ATP8B1: variants seen among roughly 807,000 people sequenced by gnomAD.
The protein encoded by ATP8B1 is ATPase phospholipid transporting 8B1.
ATP8B1 carries 80 observed loss-of-function variants against 149.9 expected under a neutral mutation model. The ratio of observed to expected loss-of-function variants is 0.53; its 90% confidence interval spans 0.45 to 0.64. The LOEUF is 0.64. Ranked by LOEUF, ATP8B1 falls within the 30% of genes least tolerant of loss-of-function variation. ATP8B1 has a pLI of 0.00. For missense variants in ATP8B1, 1,247 were observed against 1,552.6 expected (o/e 0.80, Z 3.31); for synonymous variants, 536 against 562.8 (o/e 0.95, Z 0.67).
chr18:57,676,717 C>CAAAAAAAAAAAAAAAAAAAAAA (rs58101846), intron 15 of ATP8B1, among the ~76,000 whole-genome samples: 1 of 92,220 alleles, frequency 1.1e-5, no homozygotes, highest in Non-Finnish European at 2.0e-5. Flanking sequence ...GACTCCATTT[C>CAAAAAAAAAAAAAAAAAAAAAA]AAAAAAAAAA....
chr18:57,751,248 G>T (rs1037699501), intron 1 of ATP8B1, among the ~76,000 whole-genome samples: 3 of 152,098 alleles, frequency 2.0e-5, no homozygotes, highest in Non-Finnish European at 4.4e-5. Flanking sequence ...CCAGTACTTT[G>T]GGAGGCTGAG....
At chr18:57,707,351 C>T (rs957263133) in intron 2 of ATP8B1, among the ~76,000 whole-genome samples, 4 of 152,080 alleles carry the variant, frequency 2.6e-5, no homozygotes, top group African/African-American at 9.7e-5. Flanking sequence ...TCTTTGGCAC[C>T]AAGTTCTCCA....
intron 16 of ATP8B1, among the ~76,000 whole-genome samples, chr18:57,672,924 ATAT>A: frequency 2.1e-5 from 1 of 48,410 alleles, no homozygotes; most frequent in South Asian, 8.4e-4. Context: ...ATATATATAT[ATAT>A]ATATAACATG....
intron 1 of ATP8B1, among the ~76,000 whole-genome samples, chr18:57,753,141 G>C (rs1219850146): frequency 6.6e-6 from 1 of 152,230 alleles, no homozygotes; most frequent in East Asian, 1.9e-4. Context: ...GATCTCTCTT[G>C]TGTCAACAAG....
intron 1 of ATP8B1, among the ~76,000 whole-genome samples, chr18:57,773,569 G>A (rs7241417): frequency 0.42 from 63,563 of 151,960 alleles, 13,769 homozygotes; most frequent in East Asian, 0.59. Context: ...TCAAGAAGAG[G>A]GTGGTTCCCC....
Position 57,661,412 on chromosome 18 carries a change from C to A in ATP8B1, c.2469G>T (p.Leu823=). Reference sequence around the variant, plus strand: ...TTTCTTCTTCTGTTCTTGGGAACTTCAGCTTCAGAATCTTATTTCTCTTGG... The same window carrying A: ...TTTCTTCTTCTGTTCTTGGGAACTTAAGCTTCAGAATCTTATTTCTCTTGG... ...KKTKRNKILK[L]KFPRTEEERR... Residue 823 remains leucine, a synonymous_variant, in exon 22 of 28, where the codon CTG becomes CTT. Transcript: ENST00000648908. 1 of 1,613,802 alleles carries A rather than the reference C, an allele frequency of 6.2e-7. No homozygotes were observed. Among genetic ancestry groups the A allele is most frequent in the Non-Finnish European group, 8.5e-7 (1 of 1,179,964 alleles).
At chr18:57,769,257 C>G (rs2123366012) in intron 1 of ATP8B1, among the ~76,000 whole-genome samples, 1 of 152,356 alleles carries the variant, frequency 6.6e-6, no homozygotes, top group East Asian at 1.9e-4. Context: ...CCCCACGACT[C>G]TTCCATCCTC....
chr18:57,794,370 G>A (rs1261434637), intron 1 of ATP8B1, among the ~76,000 whole-genome samples: 1 of 151,422 alleles, frequency 6.6e-6, no homozygotes, highest in Admixed American at 6.6e-5. Flanking sequence ...TATTATAGAG[G>A]TGGAACATTT....
Position 57,712,048 on chromosome 18 carries a change from C to CATATATAT in ATP8B1, c.182-5469_182-5462dup, listed in dbSNP as rs10622264. ...TGATTCCTCTCCTTCCCTCTATTGGCATATATATATATATATATATGGCGA... is the reference window on the plus strand; with the variant it reads ...TGATTCCTCTCCTTCCCTCTATTGGCATATATATATATATATATATATATATATGGCGA... On this transcript the variant is annotated intron_variant, in intron 2 of 27. Coordinates refer to ENST00000648908, the MANE Select transcript of ATP8B1 (RefSeq NM_001374385.1). Among the ~76,000 whole-genome samples the CATATATAT allele has an allele frequency of 1.2e-3, 175 of 144,384 alleles. 6 individuals are homozygous for CATATATAT. The highest frequency in any genetic ancestry group is 3.2e-3 in the African/African-American group (119 of 37,446). 94.7% of individuals were successfully genotyped at this position (144,384 alleles called of 152,430 possible).
chr18:57,769,711 G>A (rs1320669153), intron 1 of ATP8B1, among the ~76,000 whole-genome samples: 1 of 152,238 alleles, frequency 6.6e-6, no homozygotes, highest in African/African-American at 2.4e-5. Context: ...GGGAAAGTAA[G>A]CTCATTCAGG....
intron 1 of ATP8B1, among the ~76,000 whole-genome samples, chr18:57,760,860 G>A (rs1438279461): frequency 2.0e-5 from 3 of 151,702 alleles, no homozygotes; most frequent in South Asian, 2.1e-4. Flanking sequence ...ATGATGGCGC[G>A]CACCTGTAGT....
chr18:57,731,939 A>G (rs1462327205), intron 1 of ATP8B1, 107 bp from the exon 2 acceptor site: 1 of 1,062,788 alleles, frequency 9.4e-7, no homozygotes, highest in Admixed American at 1.7e-5. Flanking sequence ...ATTGTCTAAC[A>G]TGTAAATATT....
At chr18:57,729,116 G>C in intron 2 of ATP8B1, among the ~76,000 whole-genome samples, 1 of 152,134 alleles carries the variant, frequency 6.6e-6, no homozygotes, top group Non-Finnish European at 1.5e-5. Context: ...CTAACCACCA[G>C]AATGGGCAGG....
Position 57,671,498 on chromosome 18 carries a change from A to G in ATP8B1, c.1902T>C (p.Pro634=). 6.2e-7 allele frequency: 1 copy of G among 1,613,886 alleles called. No individual in the cohort carries two copies. Among genetic ancestry groups the G allele is most frequent in the Non-Finnish European group, 8.5e-7 (1 of 1,179,732 alleles). ...GGGCATCCTGTGTTTCTTGCTTAGT[A>G]GGATTCATTCGATGTAACCGTTCAT... ...VIYERLHRMN[P]TKQETQDALD... is the part of the protein sequence containing the mutation. Residue 634 remains proline, a synonymous_variant, in exon 17 of 28, where the codon CCT becomes CCC. Transcript: ENST00000648908.
rs1421296187 is a variant in ATP8B1 at position 57,802,322 on chromosome 18, TC to T, written c.-26+675del. On this transcript the variant is annotated intron_variant, in intron 1 of 27. Coordinates refer to ENST00000648908, the MANE Select transcript of ATP8B1 (RefSeq NM_001374385.1). The surrounding 1 kb of genome is among the most constrained non-coding windows in gnomAD (Gnocchi z 4.9). Reference sequence around the variant, plus strand: ...AGGGAAGGAGATGCCTGCAGCCATCTCAGCGGGGCTGGCGGACGCGACCCGA... The same window carrying T: ...AGGGAAGGAGATGCCTGCAGCCATCTAGCGGGGCTGGCGGACGCGACCCGA... Among the ~76,000 whole-genome samples the T allele has an allele frequency of 6.6e-6, 1 of 152,154 alleles. No individual in the cohort carries two copies. The highest frequency in any genetic ancestry group is 2.4e-5 in the African/African-American group (1 of 41,432).
chr18:57,671,583 G>A lies in ATP8B1; in HGVS notation c.1820-3C>T. Reference sequence around the variant, plus strand: ...GATATTGCCTTCTGGGGTTCTTACTGGTAGTAAAAGAAGGAAATAAACACA... The same window carrying A: ...GATATTGCCTTCTGGGGTTCTTACTAGTAGTAAAAGAAGGAAATAAACACA... On this transcript the variant is annotated splice_polypyrimidine_tract_variant and splice_region_variant and intron_variant, in intron 16 of 27. Transcript: ENST00000648908. The A allele has an allele frequency of 6.3e-7, 1 of 1,593,234 alleles. No individual in the cohort carries two copies. Among genetic ancestry groups the A allele is most frequent in the Non-Finnish European group, 8.6e-7 (1 of 1,161,082 alleles).
At chr18:57,719,281 T>G (rs2079613542) in intron 2 of ATP8B1, among the ~76,000 whole-genome samples, 1 of 152,140 alleles carries the variant, frequency 6.6e-6, no homozygotes, top group Admixed American at 6.5e-5. Flanking sequence ...TAGGAACAGC[T>G]CCGGTCTACA....
At chr18:57,715,662 G>A (rs966344019) in intron 2 of ATP8B1, among the ~76,000 whole-genome samples, 4 of 152,200 alleles carry the variant, frequency 2.6e-5, no homozygotes, top group Non-Finnish European at 5.9e-5. Context: ...ACTCCAATAC[G>A]TCTGGCAGCA....
rs79764081 is a variant in ATP8B1, at chr18:57,798,025, A to C, written c.-26+4973T>G. Among the ~76,000 whole-genome samples, 492 of 152,182 alleles carry C rather than the reference A, an allele frequency of 3.2e-3. 5 individuals carry two copies. The highest frequency in any genetic ancestry group is 0.011 in the African/African-American group (475 of 41,524). On this transcript the variant is annotated intron_variant, in intron 1 of 27. Coordinates refer to ENST00000648908, the MANE Select transcript of ATP8B1 (RefSeq NM_001374385.1). ...GGCCTCTGATCTGCTTTCTCACCAAAGAAGAAACCCAACTCAGGCCCTCTG... is the reference window on the plus strand; with the variant it reads ...GGCCTCTGATCTGCTTTCTCACCAACGAAGAAACCCAACTCAGGCCCTCTG...
Sources: allele counts gnomAD v4.1 joint callset (sites outside exome capture counted in the v4.1 genomes callset), GRCh38; gene constraint gnomAD v4.1.1; non-coding constraint Gnocchi (gnomAD v3.1); transcripts MANE v1.5; gene names NCBI Gene and HGNC (gene_info 2026-07-23, HGNC 2026-07-21).